Variants in CNRIP1 observed in about 807,000 individuals in gnomAD.
The protein encoded by CNRIP1 is cannabinoid receptor interacting protein 1, also known as CB1 cannabinoid receptor-interacting protein 1.
In CNRIP1, 10 loss-of-function variants were observed where a neutral mutation model predicts 15.2. The observed-to-expected ratio is 0.66, with a 90% CI of 0.41 to 1.12. The LOEUF (loss-of-function observed/expected upper bound fraction) is 1.12, where lower values mean the gene tolerates loss of function less well. Among genes scored for constraint, CNRIP1 ranks in the 50% most tolerant of loss-of-function variants. The pLI, the probability that CNRIP1 is intolerant of heterozygous loss-of-function variation, is 0.00. For missense variants in CNRIP1, 211 were observed against 214.7 expected (o/e 0.98, Z 0.11); for synonymous variants, 91 against 83.2 (o/e 1.09, Z -0.51).
chr2:68,293,001 G>A (rs1671215927), downstream of CNRIP1: 1 of 984,924 alleles, frequency 1.0e-6, no homozygotes, highest in African/African-American at 1.7e-5. Context: ...AAGAATGCAA[G>A]TCAGGGCATG....
chr2:68,288,451 C>T (rs1671085836), downstream of CNRIP1, among the ~76,000 whole-genome samples: 1 of 151,986 alleles, frequency 6.6e-6, no homozygotes, highest in East Asian at 1.9e-4. Context: ...TTCACTGTGA[C>T]CAGAGACTAG....
chr2:68,304,810 T>C (rs375531892), intron 2 of CNRIP1, among the ~76,000 whole-genome samples: 2 of 152,278 alleles, frequency 1.3e-5, no homozygotes, highest in East Asian at 3.9e-4. Context: ...AAGAAAATGA[T>C]TGAAAATATA....
rs1162380523 is a variant in CNRIP1, at chr2:68,305,253, A to T, written c.331-11227T>A. Among the ~76,000 whole-genome samples, 15 of 52,938 alleles carry T rather than the reference A, an allele frequency of 2.8e-4. 1 individual carries two copies. Among genetic ancestry groups the T allele is most frequent in the South Asian group, 1.2e-3 (1 of 844 alleles). 34.7% of individuals were successfully genotyped at this position (52,938 alleles called of 152,430 possible). A position where few individuals can be genotyped will look rare whatever the true frequency, so the allele number is the denominator to read the frequency against. On this transcript the variant is annotated intron_variant, in intron 2 of 2. Coordinates refer to ENST00000263655, the MANE Select transcript of CNRIP1 (RefSeq NM_015463.3). ...GAGTGAAACTCCGTCTCAAAAAAAAAAAAAAAATATATATATATATATGTG... is the reference window on the plus strand; with the variant it reads ...GAGTGAAACTCCGTCTCAAAAAAAATAAAAAAATATATATATATATATGTG...
At chr2:68,319,003 A>C (rs140667997) in intron 1 of CNRIP1, among the ~76,000 whole-genome samples, 2,509 of 152,374 alleles carry the variant, frequency 0.016, 48 homozygotes, top group Admixed American at 0.065. Flanking sequence ...CACTGAGGTC[A>C]CTGCGATGGG....
chr2:68,319,722 C>A lies in CNRIP1; in HGVS notation c.-322G>T, dbSNP rs770581884. On this transcript the variant is annotated 5_prime_UTR_variant, in exon 1 of 3. Transcript: ENST00000263655. ...AGGCTCGCTCTGGCCCGCAGGCCGC[C>A]GCGCAGATCCGCGCAGCTGGGGGCG... 1 of 301,024 alleles carries A rather than the reference C, an allele frequency of 3.3e-6. No individual in the cohort carries two copies. Among genetic ancestry groups the A allele is most frequent in the South Asian group, 4.9e-5 (1 of 20,348 alleles). The allele number at this position is 301,024 out of a possible 1,614,324, so 18.6% of individuals were successfully genotyped here. A position where few individuals can be genotyped will look rare whatever the true frequency, so the allele number is the denominator to read the frequency against.
intron 2 of CNRIP1, among the ~76,000 whole-genome samples, chr2:68,304,680 G>A (rs1671744254): frequency 6.6e-6 from 1 of 151,138 alleles, no homozygotes; most frequent in African/African-American, 2.4e-5. Context: ...CGGAGCAGTG[G>A]TGCGATCTCA....
chr2:68,308,098 C>T (rs1361520414), intron 2 of CNRIP1, among the ~76,000 whole-genome samples: 3 of 151,896 alleles, frequency 2.0e-5, no homozygotes, highest in Non-Finnish European at 4.4e-5. Flanking sequence ...GAGTCTGAGG[C>T]AGGAAGGTCT....
intron 2 of CNRIP1, among the ~76,000 whole-genome samples, chr2:68,285,795 G>A (rs1671017809): frequency 6.6e-6 from 1 of 152,184 alleles, no homozygotes; most frequent in South Asian, 2.1e-4. Flanking sequence ...TTTAATACAT[G>A]TATAGATTCA....
chr2:68,303,624 C>T (rs1671701829), intron 2 of CNRIP1, among the ~76,000 whole-genome samples: 1 of 152,226 alleles, frequency 6.6e-6, no homozygotes, highest in Admixed American at 6.5e-5. Flanking sequence ...AAAACTTCTT[C>T]CTATTTGGAT....
At chr2:68,309,360 AC>A (rs1457515324) in intron 2 of CNRIP1, among the ~76,000 whole-genome samples, 1 of 152,238 alleles carries the variant, frequency 6.6e-6, no homozygotes, top group Non-Finnish European at 1.5e-5. Flanking sequence ...AGAATTCAAG[AC>A]ATTCCTTCTA....
At chr2:68,302,845 CTT>C (rs1214086385) in intron 2 of CNRIP1, among the ~76,000 whole-genome samples, 114 of 126,236 alleles carry the variant, frequency 9.0e-4, no homozygotes, top group African/African-American at 3.1e-3. Context: ...ATTTGAAAAA[CTT>C]TTTTTTTTTT....
At chr2:68,297,567 C>CAAAAAAAAAA (rs112601365) in intron 2 of CNRIP1, among the ~76,000 whole-genome samples, 20 of 98,898 alleles carry the variant, frequency 2.0e-4, no homozygotes, top group Non-Finnish European at 2.6e-4. Flanking sequence ...GACACTGTCT[C>CAAAAAAAAAA]AAAAAAAAAA....
At chr2:68,295,814 G>A (rs1008013380) in intron 2 of CNRIP1, among the ~76,000 whole-genome samples, 1 of 152,124 alleles carries the variant, frequency 6.6e-6, no homozygotes. Flanking sequence ...TTGGGATGGT[G>A]GTTACATGGC....
Position 68,293,302 on chromosome 2 carries a change from T to A in CNRIP1, c.*560A>T, listed in dbSNP as rs1038164866. On this transcript the variant is annotated 3_prime_UTR_variant, in exon 3 of 3. Transcript: ENST00000263655. ...TATTTGTCCTTCTAGTTTGTTACCA[T>A]CCTTCCCTGAAAGAGCGGAGCTGTT... The A allele has an allele frequency of 1.0e-5, 10 of 985,914 alleles. No individual in the cohort carries two copies. The African/African-American group carries it at 1.6e-4, about 15-fold the overall frequency. 61.1% of individuals were successfully genotyped at this position (985,914 alleles called of 1,614,324 possible). A position where few individuals can be genotyped will look rare whatever the true frequency, so the allele number is the denominator to read the frequency against.
chr2:68,286,775 A>G (rs1325507983), intron 2 of CNRIP1, among the ~76,000 whole-genome samples: 2 of 152,186 alleles, frequency 1.3e-5, no homozygotes, highest in African/African-American at 4.8e-5. Flanking sequence ...AGCGTGTTGA[A>G]GTCATACTGA....
intron 1 of CNRIP1, 146 bp downstream of exon 1, chr2:68,319,076 G>T (rs1279591385): frequency 2.8e-6 from 2 of 718,526 alleles, no homozygotes; most frequent in East Asian, 6.1e-5. Flanking sequence ...AGGCGGACAG[G>T]GAGTGACCTC....
chr2:68,316,670 AT>A (rs1224502570), intron 2 of CNRIP1: 1 of 162,126 alleles, frequency 6.2e-6, no homozygotes, highest in African/African-American at 2.4e-5. Flanking sequence ...AGGTGTATAT[AT>A]AATAGGTATA....
chr2:68,299,922 T>G (rs775183865), intron 2 of CNRIP1, among the ~76,000 whole-genome samples: 1 of 152,214 alleles, frequency 6.6e-6, no homozygotes, highest in Non-Finnish European at 1.5e-5. Context: ...CAAGATCACG[T>G]AGAAATCCAT....
intron 2 of CNRIP1, among the ~76,000 whole-genome samples, chr2:68,315,180 C>T (rs972449037): frequency 6.6e-6 from 1 of 151,832 alleles, no homozygotes; most frequent in Admixed American, 6.6e-5. Flanking sequence ...TACACTTAAG[C>T]AGAAAAATGG....
Sources: allele counts gnomAD v4.1 joint callset (sites outside exome capture counted in the v4.1 genomes callset), GRCh38; gene constraint gnomAD v4.1.1; transcripts MANE v1.5; gene names NCBI Gene and HGNC (gene_info 2026-07-23, HGNC 2026-07-21).